Variants in RBFOX1 observed in about 807,000 individuals in gnomAD.
The protein encoded by RBFOX1 is RNA binding protein fox-1 homolog 1.
RBFOX1 carries 8 observed loss-of-function variants against 57.7 expected under a neutral mutation model. That is an observed-to-expected ratio of 0.14 (90% CI 0.08 to 0.25). The LOEUF is 0.25. Ranked by LOEUF, RBFOX1 falls within the 10% of genes least tolerant of loss-of-function variation. RBFOX1 has a pLI of 1.00. For missense variants in RBFOX1, 611 were observed against 548.5 expected, an observed-to-expected ratio of 1.11 and a Z score of -1.14; for synonymous variants, 326 against 222.4, an observed-to-expected ratio of 1.47 and a Z score of -4.15.
At chr16:6,985,863 T>TTTTTTC (rs746583625) in intron 3 of RBFOX1, among the ~76,000 whole-genome samples, 128 of 147,340 alleles carry the variant, frequency 8.7e-4, no homozygotes, top group South Asian at 5.1e-3. Flanking sequence ...TTTTTTTTTC[T>TTTTTTC]TTTTTCTTTT....
In RBFOX1 at chr16:5,978,128, CAAAAAAAAAAAAAAAAAAA is replaced by C. The variant is rs140908065; in HGVS notation, c.351+110808_351+110826del. Among the ~76,000 whole-genome samples the C allele has an allele frequency of 4.2e-3, 132 of 31,538 alleles. 1 individual carries two copies. Among genetic ancestry groups the C allele is most frequent in the African/African-American group, 0.018 (125 of 7,020 alleles). 20.7% of individuals were successfully genotyped at this position (31,538 alleles called of 152,430 possible). On this transcript the variant is annotated intron_variant, in intron 4 of 19. Transcript: ENST00000641259. ...ATCCTAGGGAGAATCCTGTCTCTTCCAAAAAAAAAAAAAAAAAAAAAAAAAAAAAAAAAGCAAGAGCCAG... is the reference window on the plus strand; with the variant it reads ...ATCCTAGGGAGAATCCTGTCTCTTCCAAAAAAAAAAAAAAGCAAGAGCCAG...
At chr16:7,656,906 C>T (rs1201478125) in intron 12 of RBFOX1, among the ~76,000 whole-genome samples, 1 of 152,126 alleles carries the variant, frequency 6.6e-6, no homozygotes, top group African/African-American at 2.4e-5. Context: ...TATATAAGTC[C>T]AAACATTTCC....
intron 1 of RBFOX1, among the ~76,000 whole-genome samples, chr16:6,211,771 G>A (rs2097299493): frequency 1.3e-5 from 2 of 152,104 alleles, no homozygotes; most frequent in South Asian, 2.1e-4. Flanking sequence ...GTACATAAAT[G>A]TGAAACCTAT....
intron 1 of RBFOX1, among the ~76,000 whole-genome samples, chr16:5,251,237 G>A (rs376207522): frequency 1.3e-5 from 2 of 152,192 alleles, no homozygotes; most frequent in South Asian, 2.1e-4. Flanking sequence ...TGCAGATCTC[G>A]AGGCCTGCCT....
chr16:7,518,066 T>C, intron 4 of RBFOX1, 81 bp from the exon 5 acceptor site: 1 of 1,516,150 alleles, frequency 6.6e-7, no homozygotes, highest in South Asian at 1.3e-5. Flanking sequence ...GGCACGATCG[T>C]CCTGGGATCT....
chr16:6,524,620 C>G (rs2096553891), intron 2 of RBFOX1, among the ~76,000 whole-genome samples: 1 of 152,148 alleles, frequency 6.6e-6, no homozygotes, highest in Non-Finnish European at 1.5e-5. Context: ...TGTTCTGGGA[C>G]TGCCATAACA....
intron 4 of RBFOX1, chr16:7,510,346 C>T (rs749563738): frequency 3.0e-6 from 3 of 984,974 alleles, no homozygotes; most frequent in Non-Finnish European, 3.6e-6. Flanking sequence ...TAATCTTTCA[C>T]TCAAAATTGC....
chr16:6,554,778 A>G (rs1416772444), intron 2 of RBFOX1, among the ~76,000 whole-genome samples: 1 of 146,630 alleles, frequency 6.8e-6, no homozygotes, highest in Non-Finnish European at 1.5e-5. Flanking sequence ...ACAAAGGTAC[A>G]CAGACACACA....
At chr16:6,914,306 G>C (rs974238520) in intron 3 of RBFOX1, among the ~76,000 whole-genome samples, 1 of 152,118 alleles carries the variant, frequency 6.6e-6, no homozygotes, top group Non-Finnish European at 1.5e-5. Context: ...GGGCTAGGAG[G>C]GACCTTAGTG....
intron 3 of RBFOX1, among the ~76,000 whole-genome samples, chr16:6,778,260 T>TG (rs1703361327): frequency 6.6e-6 from 1 of 152,152 alleles, no homozygotes; most frequent in Non-Finnish European, 1.5e-5. Context: ...TGTTTTTCAG[T>TG]GTTTTTTATT....
At chr16:7,443,713 C>G (rs2098787496) in intron 4 of RBFOX1, among the ~76,000 whole-genome samples, 1 of 152,178 alleles carries the variant, frequency 6.6e-6, no homozygotes, top group Non-Finnish European at 1.5e-5. Flanking sequence ...AATCATTTCA[C>G]ATGTGTTGTC....
intron 1 of RBFOX1, among the ~76,000 whole-genome samples, chr16:5,296,863 G>C (rs2063682480): frequency 6.6e-6 from 1 of 151,864 alleles, no homozygotes; most frequent in African/African-American, 2.4e-5. Context: ...ATTTTTAGTA[G>C]AGATAGGGTT....
chr16:5,786,474 C>T (rs1013250329), intron 3 of RBFOX1, among the ~76,000 whole-genome samples: 3 of 152,106 alleles, frequency 2.0e-5, no homozygotes, highest in African/African-American at 7.2e-5. Context: ...GAGAGTGTAA[C>T]GAAGGCCAGG....
At position 7,241,261 on chromosome 16, in the gene RBFOX1, C is replaced by T. The variant is rs539792314; in HGVS notation, c.27+189163C>T. 2.0e-5 allele frequency among the ~76,000 whole-genome samples: 3 copies of T among 152,094 alleles called. No homozygotes were observed. The South Asian group carries it at 6.2e-4, about 31-fold the overall frequency. On this transcript the variant is annotated intron_variant, in intron 4 of 15. Coordinates refer to ENST00000550418, the MANE Select transcript of RBFOX1 (RefSeq NM_018723.4). ...TCTCATTAGCTGAATTCTGGCATCT[C>T]AGTCTCGGCACTACTATTTATTCTA...
At chr16:6,609,878 C>T (rs538322662) in intron 2 of RBFOX1, among the ~76,000 whole-genome samples, 105 of 152,016 alleles carry the variant, frequency 6.9e-4, no homozygotes, top group Middle Eastern at 3.4e-3. Flanking sequence ...TGTGGTGGTG[C>T]GCACCTGTAG....
intron 2 of RBFOX1, among the ~76,000 whole-genome samples, chr16:6,622,541 G>C (rs376236135): frequency 3.3e-5 from 5 of 152,120 alleles, no homozygotes; most frequent in African/African-American, 1.2e-4. Context: ...GTTGTCACAA[G>C]GATGAAATCA....
At chr16:7,345,183 C>T (rs968001450) in intron 4 of RBFOX1, among the ~76,000 whole-genome samples, 3 of 152,222 alleles carry the variant, frequency 2.0e-5, no homozygotes, top group African/African-American at 4.8e-5. Flanking sequence ...CACACATTCT[C>T]TGTCAAACAT....
At chr16:6,760,793 G>C (rs1228167591) in intron 3 of RBFOX1, among the ~76,000 whole-genome samples, 1 of 152,182 alleles carries the variant, frequency 6.6e-6, no homozygotes, top group Non-Finnish European at 1.5e-5. Flanking sequence ...TTCACACAGA[G>C]TAGGATCAGA....
At chr16:7,339,858 T>C (rs2096860187) in intron 4 of RBFOX1, among the ~76,000 whole-genome samples, 1 of 152,230 alleles carries the variant, frequency 6.6e-6, no homozygotes. Context: ...TTCAGGAATT[T>C]TGACAAGCCA....
Sources: allele counts gnomAD v4.1 joint callset (sites outside exome capture counted in the v4.1 genomes callset), GRCh38; gene constraint gnomAD v4.1.1; transcripts MANE v1.5; gene names NCBI Gene and HGNC (gene_info 2026-07-23, HGNC 2026-07-21).